The following MAN2A1 variants were observed in gnomAD, a reference collection of about 807,000 sequenced individuals.
MAN2A1 encodes alpha-mannosidase 2.
A neutral mutation model predicts 142.6 loss-of-function variants in MAN2A1; 76 were observed. The ratio of observed to expected loss-of-function variants is 0.53; its 90% confidence interval spans 0.44 to 0.65. The LOEUF (loss-of-function observed/expected upper bound fraction) is 0.65, where lower values mean the gene tolerates loss of function less well. Among genes scored for constraint, MAN2A1 ranks in the 30% least tolerant of loss-of-function variants. The pLI, the probability that MAN2A1 is intolerant of heterozygous loss-of-function variation, is 0.00. For missense variants in MAN2A1, 1,311 were observed against 1,365.1 expected, an observed-to-expected ratio of 0.96 and a Z score of 0.62; for synonymous variants, 559 against 473.2, an observed-to-expected ratio of 1.18 and a Z score of -2.35.
rs369868516 is a variant in MAN2A1 at position 109,819,789 on chromosome 5, G to A, written c.2230G>A (p.Gly744Arg). Residue 744 changes from glycine to arginine, a missense_variant, in exon 14 of 22, where the codon GGA (glycine) becomes AGA (arginine). By Grantham distance (125) the Gly-to-Arg change is moderately radical (BLOSUM62 -2). This residue lies in a region of MAN2A1 where 890 missense variants were observed against 920.5 expected (regional missense o/e 0.97). Coordinates refer to ENST00000261483, the MANE Select transcript of MAN2A1 (RefSeq NM_002372.4). Reference protein sequence around the residue: ...VLYKNKVEDSGIFTIKNMINT... With the variant: ...VLYKNKVEDSRIFTIKNMINT... ...GTATAAGAATAAAGTAGAAGATAGC[G>A]GAATTTTCACCATAAAGAATATGAT... 362 of 1,609,086 alleles carry A rather than the reference G, an allele frequency of 2.2e-4. No individual in the cohort carries two copies. The highest frequency in any genetic ancestry group is 3.0e-4 in the Non-Finnish European group (349 of 1,176,798).
At chr5:109,696,318 C>G (rs1367796537) in intron 1 of MAN2A1, among the ~76,000 whole-genome samples, 1 of 152,190 alleles carries the variant, frequency 6.6e-6, no homozygotes, top group African/African-American at 2.4e-5. Context: ...CCAGGATGGT[C>G]TCGATCTCCT....
intron 12 of MAN2A1, among the ~76,000 whole-genome samples, chr5:109,813,778 T>C (rs995193604): frequency 2.3e-4 from 35 of 152,350 alleles, no homozygotes; most frequent in African/African-American, 7.9e-4. Context: ...GGTGAAGGAA[T>C]TTTTAGTATA....
chr5:109,803,644 A>G (rs1034435875), intron 12 of MAN2A1, among the ~76,000 whole-genome samples: 4 of 152,086 alleles, frequency 2.6e-5, no homozygotes, highest in Non-Finnish European at 5.9e-5. Context: ...TGTATAATGG[A>G]TAAAGGATTA....
Position 109,847,751 on chromosome 5 carries a change from A to G in MAN2A1, c.2937A>G (p.Leu979=), listed in dbSNP as rs1299298833. 1 of 1,595,660 alleles carries G rather than the reference A, an allele frequency of 6.3e-7. No homozygotes were observed. The highest frequency in any genetic ancestry group is 8.5e-7 in the Non-Finnish European group (1 of 1,171,416). The change falls in exon 19 of 22, where the codon CTA becomes CTG. Residue 979 remains leucine, a synonymous_variant. Transcript: ENST00000261483. ...GIQDNKITAN[L]FRILLEKRSA... Reference sequence around the variant, plus strand: ...AGGATAACAAGATTACAGCTAATCTATTTCGAATACTACTAGAAAAAAGAA... The same window carrying G: ...AGGATAACAAGATTACAGCTAATCTGTTTCGAATACTACTAGAAAAAAGAA...
intron 16 of MAN2A1, among the ~76,000 whole-genome samples, chr5:109,836,260 C>T (rs764037594): frequency 5.3e-5 from 8 of 151,736 alleles, no homozygotes; most frequent in Non-Finnish European, 1.0e-4. Flanking sequence ...CAGGTGCCCA[C>T]CACCACACCT....
At chr5:109,781,045 C>T (rs2112665981) in intron 8 of MAN2A1, among the ~76,000 whole-genome samples, 1 of 151,674 alleles carries the variant, frequency 6.6e-6, no homozygotes, top group South Asian at 2.1e-4. Flanking sequence ...TTTGCTGCTG[C>T]CCTCATCTTT....
chr5:109,775,948 G>A (rs1753279252), intron 8 of MAN2A1, among the ~76,000 whole-genome samples: 1 of 151,852 alleles, frequency 6.6e-6, no homozygotes, highest in South Asian at 2.1e-4. Context: ...ATATATTTAT[G>A]GGACACCTAT....
At chr5:109,770,123 C>T (rs1207872350) in intron 6 of MAN2A1, among the ~76,000 whole-genome samples, 1 of 152,142 alleles carries the variant, frequency 6.6e-6, no homozygotes, top group Non-Finnish European at 1.5e-5. Context: ...GCTTTCCTGT[C>T]TCTGCTATGC....
At chr5:109,735,133 T>C (rs1446006495) in intron 4 of MAN2A1, among the ~76,000 whole-genome samples, 2 of 152,188 alleles carry the variant, frequency 1.3e-5, no homozygotes, top group Non-Finnish European at 2.9e-5. Context: ...GTAATGGCCT[T>C]CTTTGTCTCT....
intron 16 of MAN2A1, among the ~76,000 whole-genome samples, chr5:109,837,655 C>T (rs1207799270): frequency 6.6e-6 from 1 of 152,158 alleles, no homozygotes; most frequent in Non-Finnish European, 1.5e-5. Context: ...TGGCTCCTGT[C>T]ATTGCGACAT....
chr5:109,798,478 G>C (rs981282907), intron 12 of MAN2A1, among the ~76,000 whole-genome samples: 16 of 152,134 alleles, frequency 1.1e-4, no homozygotes, highest in African/African-American at 3.1e-4. Context: ...TTCCCTGCTT[G>C]AACCTGTTCT....
At chr5:109,832,161 CTTTTTT>C (rs70999945) in intron 16 of MAN2A1, among the ~76,000 whole-genome samples, 4 of 51,218 alleles carry the variant, frequency 7.8e-5, no homozygotes, top group Admixed American at 2.4e-4. Flanking sequence ...AAGGAGTTTT[CTTTTTT>C]TTTTTTTTTT....
intron 3 of MAN2A1, among the ~76,000 whole-genome samples, chr5:109,724,120 T>C (rs1751678966): frequency 6.6e-6 from 1 of 152,202 alleles, no homozygotes; most frequent in African/African-American, 2.4e-5. Flanking sequence ...AGTAATACCA[T>C]TTAAGATTGT....
intron 5 of MAN2A1, among the ~76,000 whole-genome samples, chr5:109,759,332 G>A (rs1752774431): frequency 6.6e-6 from 1 of 152,010 alleles, no homozygotes; most frequent in African/African-American, 2.4e-5. Flanking sequence ...CATTATAAAT[G>A]GGATTGTTTT....
At chr5:109,696,385 C>G (rs1452368061) in intron 1 of MAN2A1, among the ~76,000 whole-genome samples, 1 of 152,216 alleles carries the variant, frequency 6.6e-6, no homozygotes, top group Admixed American at 6.5e-5. Flanking sequence ...AGGCGTGAGC[C>G]TCTGCGCCTG....
chr5:109,860,918 G>T (rs1477345861), intron 20 of MAN2A1, among the ~76,000 whole-genome samples: 1 of 152,006 alleles, frequency 6.6e-6, no homozygotes, highest in African/African-American at 2.4e-5. Flanking sequence ...TAAATTGGAG[G>T]GGTTACCTCC....
intron 5 of MAN2A1, among the ~76,000 whole-genome samples, chr5:109,756,289 A>G (rs1191175573): frequency 6.6e-6 from 1 of 152,168 alleles, no homozygotes; most frequent in Non-Finnish European, 1.5e-5. Context: ...TCCACTATAA[A>G]AACTTGGGAC....
At chr5:109,707,136 G>A (rs1399650950) in intron 1 of MAN2A1, among the ~76,000 whole-genome samples, 1 of 152,170 alleles carries the variant, frequency 6.6e-6, no homozygotes, top group African/African-American at 2.4e-5. Context: ...CCAGGTCATG[G>A]TTGTCATCCT....
intron 2 of MAN2A1, among the ~76,000 whole-genome samples, chr5:109,715,420 G>A (rs1751425487): frequency 6.6e-6 from 1 of 151,990 alleles, no homozygotes; most frequent in Non-Finnish European, 1.5e-5. Context: ...AAGAACAAAA[G>A]TAAAGTTTTA....
Sources: allele counts gnomAD v4.1 joint callset (sites outside exome capture counted in the v4.1 genomes callset), GRCh38; gene constraint gnomAD v4.1.1; regional missense constraint gnomAD v4.1.1; transcripts MANE v1.5; gene names NCBI Gene and HGNC (gene_info 2026-07-23, HGNC 2026-07-21).